Variants in LEMD3 observed in about 807,000 individuals in gnomAD.
LEMD3 encodes the protein LEM domain containing 3.
LEMD3 carries 33 observed loss-of-function variants against 95.2 expected under a neutral mutation model. The ratio of observed to expected loss-of-function variants is 0.35; its 90% CI spans 0.26 to 0.46. The LOEUF (loss-of-function observed/expected upper bound fraction) is 0.46, where lower values mean the gene tolerates loss of function less well. LEMD3 is among the 20% of genes least tolerant of loss of function. LEMD3 has a pLI of 1.00. For synonymous variants in LEMD3, 525 were observed against 474.6 expected, an observed-to-expected ratio of 1.11 and a Z score of -1.38; for missense variants, 1,210 against 1,192.8, an observed-to-expected ratio of 1.01 and a Z score of -0.21.
At chr12:65,213,373 A>G (rs1200819285) in intron 2 of LEMD3, among the ~76,000 whole-genome samples, 1 of 152,006 alleles carries the variant, frequency 6.6e-6, no homozygotes, top group African/African-American at 2.4e-5. Flanking sequence ...CTACAGGTGC[A>G]TACCACCACA....
In LEMD3 at chr12:65,238,591, C is replaced by G; in HGVS notation, c.1775+10C>G. On this transcript the variant is annotated intron_variant, in intron 5 of 12. Coordinates refer to ENST00000308330, the MANE Select transcript of LEMD3 (RefSeq NM_014319.5). Reference sequence around the variant, plus strand: ...AAGATGTTGGAATAAGGTAAAGGATCTGATTTCCACTTTGACCATTCTGTA... The same window carrying G: ...AAGATGTTGGAATAAGGTAAAGGATGTGATTTCCACTTTGACCATTCTGTA... The G allele has an allele frequency of 6.2e-7, 1 of 1,611,528 alleles. No individual in the cohort carries two copies.
rs988202920 is a variant in LEMD3, at chr12:65,245,666, T to C, written c.2388-3T>C. 1.2e-6 allele frequency: 2 copies of C among 1,609,652 alleles called. No homozygotes were observed. Among genetic ancestry groups the C allele is most frequent in the African/African-American group, 1.3e-5 (1 of 74,934 alleles). The stretch of plus-strand genomic sequence containing the variant: ...GTTGATTTTTGTTTTCATTAACTTT[T>C]AGGGAAATAGGGGATCAGTGGCATT... On this transcript the variant is annotated splice_polypyrimidine_tract_variant and splice_region_variant and intron_variant, in intron 10 of 12. Transcript: ENST00000308330.
At chr12:65,171,533 T>G (rs1430343671) in intron 1 of LEMD3, 2 of 213,994 alleles carry the variant, frequency 9.3e-6, no homozygotes, top group African/African-American at 2.3e-5. Flanking sequence ...GGCAATGTAA[T>G]AGCTCTTGAA....
chr12:65,197,188 G>A (rs1869459541), intron 1 of LEMD3, among the ~76,000 whole-genome samples: 1 of 152,110 alleles, frequency 6.6e-6, no homozygotes. Context: ...ACAGAGCTCA[G>A]GCTAATGGCT....
Position 65,169,741 on chromosome 12 carries a change from G to A in LEMD3, c.145G>A (p.Glu49Lys). The stretch of plus-strand genomic sequence containing the variant: ...CAAGAAGCTGAAGAAGCTTCGAGAG[G>A]AAGAGCAGCAACAGCACCGGTCAGG... ...YLKKLKKLRE[E>K]EQQQHRSGGR... The change falls in exon 1 of 13, where the codon GAA becomes AAA. Residue 49 changes from glutamate to lysine, a missense_variant. Glu to Lys is a moderately conservative substitution (Grantham distance 56). This residue lies in a region of LEMD3 where 749 missense variants were observed against 622.9 expected (regional missense o/e 1.20). Coordinates refer to ENST00000308330, the MANE Select transcript of LEMD3 (RefSeq NM_014319.5). 1.3e-6 allele frequency: 2 copies of A among 1,593,450 alleles called. No homozygotes were observed. Among genetic ancestry groups the A allele is most frequent in the Non-Finnish European group, 8.5e-7 (1 of 1,170,184 alleles).
intron 1 of LEMD3, among the ~76,000 whole-genome samples, chr12:65,201,965 C>A (rs1869613148): frequency 6.7e-6 from 1 of 149,656 alleles, no homozygotes; most frequent in Non-Finnish European, 1.5e-5. Context: ...CCCTTGTATT[C>A]CTAGTTTATT....
At chr12:65,202,723 C>G (rs1179850632) in intron 1 of LEMD3, among the ~76,000 whole-genome samples, 2 of 152,048 alleles carry the variant, frequency 1.3e-5, no homozygotes, top group Non-Finnish European at 2.9e-5. Flanking sequence ...CTTACTGATT[C>G]CGTTTCTTTA....
At chr12:65,173,961 A>G (rs564167022) in intron 1 of LEMD3, among the ~76,000 whole-genome samples, 1 of 152,188 alleles carries the variant, frequency 6.6e-6, no homozygotes, top group Non-Finnish European at 1.5e-5. Flanking sequence ...ATACACACAC[A>G]TACATACACG....
chr12:65,239,931 G>A lies in LEMD3; in HGVS notation c.1924G>A (p.Val642Ile), dbSNP rs1870879808. Reference sequence around the variant, plus strand: ...TACAAAGTATATTAATATTACAGGTGTAGTGATGGTTTGTGTCGTTCTGCG... The same window carrying A: ...TACAAAGTATATTAATATTACAGGTATAGTGATGGTTTGTGTCGTTCTGCG... The part of the protein sequence containing the change: ...THRLLLLCLG[V>I]VMVCVVLRYM... The change falls in exon 7 of 13, where the codon GTA becomes ATA. Residue 642 changes from valine to isoleucine, a missense_variant and splice_region_variant. This residue lies in a region of LEMD3 where 461 missense variants were observed against 569.8 expected (regional missense o/e 0.81). Coordinates refer to ENST00000308330, the MANE Select transcript of LEMD3 (RefSeq NM_014319.5). The A allele has an allele frequency of 6.3e-7, 1 of 1,592,176 alleles. No individual in the cohort carries two copies. Among genetic ancestry groups the A allele is most frequent in the Non-Finnish European group, 8.6e-7 (1 of 1,160,314 alleles).
rs5798774 is a variant in LEMD3 at position 65,227,735 on chromosome 12, ATTT to A, written c.1695+9131_1695+9133del. ...TTCTTAAAACATAAGAATTTTTGCGATTTTTTTTTTTTTTTTTGGCTCATCAGC... is the reference window on the plus strand; with the variant it reads ...TTCTTAAAACATAAGAATTTTTGCGATTTTTTTTTTTTTTGGCTCATCAGC... On this transcript the variant is annotated intron_variant, in intron 4 of 12. Transcript: ENST00000308330. Among the ~76,000 whole-genome samples, 392 of 127,990 alleles carry A rather than the reference ATTT, an allele frequency of 3.1e-3. 7 individuals carry two copies. The highest frequency in any genetic ancestry group is 9.3e-3 in the African/African-American group (327 of 35,222). The allele number at this position is 127,990 out of a possible 152,430, so 84.0% of individuals were successfully genotyped here. A position where few individuals can be genotyped will look rare whatever the true frequency, so the allele number is the denominator to read the frequency against.
At chr12:65,227,025 T>G (rs1357831353) in intron 4 of LEMD3, among the ~76,000 whole-genome samples, 2 of 137,712 alleles carry the variant, frequency 1.5e-5, no homozygotes, top group Non-Finnish European at 3.3e-5. Context: ...GCTAATAGAC[T>G]GGACAGTTAA....
intron 1 of LEMD3, among the ~76,000 whole-genome samples, chr12:65,176,327 T>G (rs1340140702): frequency 1.3e-5 from 2 of 152,220 alleles, no homozygotes; most frequent in African/African-American, 2.4e-5. Context: ...ACTGAACTGT[T>G]TGCTGTTTTC....
At chr12:65,211,435 ATTTC>A (rs1869935617) in intron 2 of LEMD3, among the ~76,000 whole-genome samples, 1 of 152,168 alleles carries the variant, frequency 6.6e-6, no homozygotes, top group Non-Finnish European at 1.5e-5. Context: ...CCTTCAGGCT[ATTTC>A]TTTAATTTTT....
At chr12:65,215,283 A>T (rs1416272660) in intron 2 of LEMD3, among the ~76,000 whole-genome samples, 1 of 152,040 alleles carries the variant, frequency 6.6e-6, no homozygotes, top group East Asian at 1.9e-4. Flanking sequence ...CTGTTCCATA[A>T]ATTCTGTTCC....
chr12:65,236,741 A>G (rs1203626783), intron 4 of LEMD3, among the ~76,000 whole-genome samples: 1 of 152,120 alleles, frequency 6.6e-6, no homozygotes, highest in Non-Finnish European at 1.5e-5. Context: ...AATTGGACAT[A>G]TTCTAAATGT....
At chr12:65,214,222 G>A (rs944034064) in intron 2 of LEMD3, among the ~76,000 whole-genome samples, 1 of 151,948 alleles carries the variant, frequency 6.6e-6, no homozygotes, top group Non-Finnish European at 1.5e-5. Flanking sequence ...ATGCCACCAC[G>A]CTCAGCTCAT....
intron 1 of LEMD3, among the ~76,000 whole-genome samples, chr12:65,192,493 T>C (rs1180971253): frequency 6.6e-6 from 1 of 152,170 alleles, no homozygotes; most frequent in African/African-American, 2.4e-5. Flanking sequence ...GGATGGAAGT[T>C]ACTTTTTCCC....
intron 1 of LEMD3, among the ~76,000 whole-genome samples, chr12:65,174,623 A>G (rs1868657434): frequency 6.6e-6 from 1 of 151,942 alleles, no homozygotes; most frequent in South Asian, 2.1e-4. Context: ...CTTTCTTAGT[A>G]TTTTTCATGT....
chr12:65,183,656 G>A (rs922919686), intron 1 of LEMD3, among the ~76,000 whole-genome samples: 4 of 152,084 alleles, frequency 2.6e-5, no homozygotes, highest in African/African-American at 9.7e-5. Flanking sequence ...CCCTAAAACC[G>A]CTGTCCTGTT....
Sources: allele counts gnomAD v4.1 joint callset (sites outside exome capture counted in the v4.1 genomes callset), GRCh38; gene constraint gnomAD v4.1.1; regional missense constraint gnomAD v4.1.1; transcripts MANE v1.5; gene names NCBI Gene and HGNC (gene_info 2026-07-23, HGNC 2026-07-21).